Variants in ZFAND3 observed in about 807,000 individuals in gnomAD.
ZFAND3 encodes zinc finger AN1-type containing 3, also known as AN1-type zinc finger protein 3.
A neutral mutation model predicts 29.6 loss-of-function variants in ZFAND3; 10 were observed. That is an observed-to-expected ratio of 0.34 (90% CI 0.21 to 0.57). The LOEUF (loss-of-function observed/expected upper bound fraction) is 0.57. ZFAND3 is among the 20% of genes least tolerant of loss of function. ZFAND3 has a pLI of 0.86. For missense variants in ZFAND3, 230 were observed against 304.5 expected, an observed-to-expected ratio of 0.76 and a Z score of 1.82; for synonymous variants, 128 against 112.6, an observed-to-expected ratio of 1.14 and a Z score of -0.87.
intron 1 of ZFAND3, among the ~76,000 whole-genome samples, chr6:37,859,556 A>G (rs1026325964): frequency 1.3e-5 from 2 of 152,140 alleles, no homozygotes; most frequent in African/African-American, 4.8e-5. Context: ...GTCTATTTTC[A>G]TATCTTATGG....
intron 2 of ZFAND3, among the ~76,000 whole-genome samples, chr6:37,967,839 T>C (rs1467625144): frequency 6.6e-6 from 1 of 152,210 alleles, no homozygotes; most frequent in Non-Finnish European, 1.5e-5. Flanking sequence ...AAGTGTTGAC[T>C]CCACATTCCA....
intron 2 of ZFAND3, chr6:38,003,631 TG>T (rs1178250780): frequency 2.1e-5 from 6 of 282,184 alleles, no homozygotes; most frequent in Non-Finnish European, 1.4e-5. Context: ...CCCAAGTAGC[TG>T]GGACTACAGT....
Position 38,106,596 on chromosome 6 carries a change from A to T in ZFAND3, c.362-9976A>T, listed in dbSNP as rs575843022. On this transcript the variant is annotated intron_variant, in intron 4 of 5. Transcript: ENST00000287218. ...CTGACTTTTCTCTCATCTACTTCTT[A>T]AGCACCCCATCCCCCAGAGTTTATC... 2.6e-5 allele frequency among the ~76,000 whole-genome samples: 4 copies of T among 152,232 alleles called. No individual in the cohort carries two copies. The South Asian group carries it at 8.3e-4, about 32-fold the overall frequency.
chr6:37,982,644 C>A (rs138368074), intron 2 of ZFAND3, among the ~76,000 whole-genome samples: 70 of 152,312 alleles, frequency 4.6e-4, no homozygotes, highest in African/African-American at 1.5e-3. Context: ...ATAGCCAGTA[C>A]AATTATGTAC....
intron 1 of ZFAND3, among the ~76,000 whole-genome samples, chr6:37,869,638 A>G (rs1264819367): frequency 6.6e-6 from 1 of 151,432 alleles, no homozygotes; most frequent in Admixed American, 6.6e-5. Flanking sequence ...ACTCCTGAGT[A>G]GCTGGGACTA....
intron 1 of ZFAND3, among the ~76,000 whole-genome samples, chr6:37,925,738 G>A (rs1350613626): frequency 6.6e-6 from 1 of 151,350 alleles, no homozygotes; most frequent in Non-Finnish European, 1.5e-5. Context: ...GATTTTTGAT[G>A]TGAGCAACTG....
chr6:38,136,296 G>A (rs1765841132), intron 5 of ZFAND3, among the ~76,000 whole-genome samples: 1 of 152,204 alleles, frequency 6.6e-6, no homozygotes, highest in Non-Finnish European at 1.5e-5. Context: ...TACAGGGAAT[G>A]TCCCATGTAG....
rs897540269 is a variant in ZFAND3, at chr6:38,050,853, G to A, written c.113-10740G>A. ...TGCAAGTTTTATCTTAAGGGAAAAC[G>A]TGTCTCAAAAGTTAATATCACCACT... On this transcript the variant is annotated intron_variant, in intron 2 of 5. Coordinates refer to ENST00000287218, the MANE Select transcript of ZFAND3 (RefSeq NM_021943.3). Among the ~76,000 whole-genome samples, 14 of 152,128 alleles carry A rather than the reference G, an allele frequency of 9.2e-5. No homozygotes were observed. In the East Asian group the frequency reaches 1.5e-3, roughly 17 times the overall value.
chr6:37,920,837 G>T (rs1411467283), intron 1 of ZFAND3, among the ~76,000 whole-genome samples: 1 of 152,208 alleles, frequency 6.6e-6, no homozygotes. Context: ...CAGCTAGGAT[G>T]TCATCTGTTT....
At chr6:37,861,720 A>G (rs1764495406) in intron 1 of ZFAND3, among the ~76,000 whole-genome samples, 2 of 152,240 alleles carry the variant, frequency 1.3e-5, no homozygotes, top group Non-Finnish European at 2.9e-5. Flanking sequence ...ATAACTTCAG[A>G]GAGAGTTGGT....
intron 5 of ZFAND3, chr6:38,143,343 A>C (rs1443087364): frequency 6.6e-6 from 1 of 152,274 alleles, no homozygotes; most frequent in Non-Finnish European, 1.5e-5. Flanking sequence ...ACTGTGGCAC[A>C]GTTTTCTTGC....
chr6:37,900,698 A>G (rs1316674375), intron 1 of ZFAND3, among the ~76,000 whole-genome samples: 1 of 152,196 alleles, frequency 6.6e-6, no homozygotes, highest in Non-Finnish European at 1.5e-5. Flanking sequence ...GGTAGCGGAA[A>G]TTCCATGCTA....
chr6:37,873,625 T>C (rs1223208294), intron 1 of ZFAND3, among the ~76,000 whole-genome samples: 1 of 152,204 alleles, frequency 6.6e-6, no homozygotes, highest in African/African-American at 2.4e-5. Flanking sequence ...AAAAGCAGAA[T>C]AGTGAAGGTC....
chr6:38,126,270 G>C (rs1268334411), intron 5 of ZFAND3, among the ~76,000 whole-genome samples: 1 of 151,992 alleles, frequency 6.6e-6, no homozygotes, highest in Non-Finnish European at 1.5e-5. Context: ...TTATTTCATT[G>C]TATGGATATA....
At chr6:38,058,960 GATGAAGTT>G (rs1561983873) in intron 2 of ZFAND3, among the ~76,000 whole-genome samples, 1 of 152,176 alleles carries the variant, frequency 6.6e-6, no homozygotes, top group Non-Finnish European at 1.5e-5. Flanking sequence ...TAATGATTCT[GATGAAGTT>G]ATAGAGTATG....
chr6:38,079,510 T>C (rs1290808137), intron 3 of ZFAND3, among the ~76,000 whole-genome samples: 2 of 151,896 alleles, frequency 1.3e-5, no homozygotes, highest in Non-Finnish European at 2.9e-5. Flanking sequence ...ATTCTCTTAT[T>C]TGATAATCCT....
intron 2 of ZFAND3, among the ~76,000 whole-genome samples, chr6:37,943,454 C>G (rs1340344084): frequency 6.6e-6 from 1 of 152,154 alleles, no homozygotes; most frequent in Non-Finnish European, 1.5e-5. Context: ...TATTTTCCAG[C>G]TTTGCATAAA....
At chr6:38,145,972 T>C (rs1766097692) in intron 5 of ZFAND3, among the ~76,000 whole-genome samples, 1 of 152,104 alleles carries the variant, frequency 6.6e-6, no homozygotes, top group Non-Finnish European at 1.5e-5. Context: ...TTTAGATAGG[T>C]CTTGAATTGT....
At chr6:38,055,292 G>A (rs1407764725) in intron 2 of ZFAND3, among the ~76,000 whole-genome samples, 4 of 152,304 alleles carry the variant, frequency 2.6e-5, no homozygotes, top group African/African-American at 9.6e-5. Flanking sequence ...GTGATTTATA[G>A]TCAGATGGGG....
Sources: gnomAD v4.1 joint callset for allele counts (sites outside exome capture counted in the v4.1 genomes callset) on GRCh38, gnomAD v4.1.1 for gene constraint, MANE v1.5 for transcripts, NCBI Gene and HGNC (gene_info 2026-07-23, HGNC 2026-07-21) for gene names.